Variants in REDIC1 observed in about 807,000 individuals in gnomAD.
REDIC1 encodes the protein regulator of DNA class I crossover intermediates 1.
chr12:39,642,851 G>T, the REDIC1 span, among the ~76,000 whole-genome samples: 1 of 151,760 alleles, frequency 6.6e-6, no homozygotes, highest in African/African-American at 2.4e-5. Context: ...TGGCAAGTCT[G>T]TTATAGTTCT....
At chr12:39,762,889 G>C in the REDIC1 span, among the ~76,000 whole-genome samples, 3 of 145,944 alleles carry the variant, frequency 2.1e-5, no homozygotes, top group Non-Finnish European at 4.5e-5. Context: ...TTCTGCTTAT[G>C]CCCTATTTAA....
At chr12:39,646,996 GT>G in the REDIC1 span, 3 of 692,350 alleles carry the variant, frequency 4.3e-6, no homozygotes, top group Non-Finnish European at 6.9e-6. Context: ...AAAATTTTGA[GT>G]CTTTAATTCT....
chr12:39,637,699 G>GTAGTCAGTGTGGAATGCTT, the REDIC1 span, among the ~76,000 whole-genome samples: 3 of 152,060 alleles, frequency 2.0e-5, no homozygotes, highest in African/African-American at 7.2e-5. Context: ...TAATACTGCA[G>GTAGTCAGTGTGGAATGCTT]TAGTCAGTGT....
the REDIC1 span, among the ~76,000 whole-genome samples, chr12:39,852,761 T>C: frequency 6.6e-6 from 1 of 152,228 alleles, no homozygotes; most frequent in Admixed American, 6.5e-5. Context: ...AAAGTACCTC[T>C]GATTGGTCCT....
the REDIC1 span, among the ~76,000 whole-genome samples, chr12:39,696,400 G>A: frequency 8.5e-4 from 128 of 150,402 alleles, no homozygotes; most frequent in East Asian, 7.6e-3. Flanking sequence ...AAAATTAGCC[G>A]GGCGTAGTGG....
At chr12:39,814,561 G>T in the REDIC1 span, among the ~76,000 whole-genome samples, 106,649 of 152,020 alleles carry the variant, frequency 0.7, 37,825 homozygotes, top group African/African-American at 0.8. Context: ...GAATGCTTTG[G>T]TAGAAAAAAA....
chr12:39,784,256 C>T, the REDIC1 span, among the ~76,000 whole-genome samples: 79 of 152,252 alleles, frequency 5.2e-4, no homozygotes, highest in South Asian at 4.2e-3. Flanking sequence ...AAAAAGAGCC[C>T]GCATTGCCAA....
At chr12:39,696,395 T>C in the REDIC1 span, among the ~76,000 whole-genome samples, 1,322 of 149,688 alleles carry the variant, frequency 8.8e-3, 11 homozygotes, top group Non-Finnish European at 0.015. Flanking sequence ...TACAAAAAAT[T>C]AGCCGGGCGT....
the REDIC1 span, among the ~76,000 whole-genome samples, chr12:39,885,439 C>T: frequency 6.6e-6 from 1 of 152,044 alleles, no homozygotes; most frequent in Non-Finnish European, 1.5e-5. Context: ...CCAAATATTG[C>T]ATATTTGGTA....
the REDIC1 span, among the ~76,000 whole-genome samples, chr12:39,748,944 C>T: frequency 1.3e-5 from 2 of 152,024 alleles, no homozygotes; most frequent in African/African-American, 4.8e-5. Flanking sequence ...ATTTATAGCA[C>T]TAAATACCCA....
the REDIC1 span, chr12:39,755,465 G>A: frequency 1.3e-5 from 2 of 152,030 alleles, no homozygotes; most frequent in African/African-American, 4.8e-5. Flanking sequence ...ACAAATAAAA[G>A]ATACTTTAAC....
the REDIC1 span, among the ~76,000 whole-genome samples, chr12:39,806,037 A>G: frequency 6.6e-6 from 1 of 152,238 alleles, no homozygotes; most frequent in Non-Finnish European, 1.5e-5. Flanking sequence ...TGCTACCAGA[A>G]AAAGCTTACA....
chr12:39,744,273 C>A, the REDIC1 span, among the ~76,000 whole-genome samples: 1 of 152,040 alleles, frequency 6.6e-6, no homozygotes, highest in East Asian at 1.9e-4. Context: ...CTTTTTCAGA[C>A]AAAAATTGAG....
the REDIC1 span, among the ~76,000 whole-genome samples, chr12:39,694,009 A>G: frequency 2.6e-5 from 4 of 152,224 alleles, no homozygotes; most frequent in Admixed American, 2.6e-4. Flanking sequence ...GGGGACGGAT[A>G]GATAGAAGTT....
At chr12:39,670,241 AGT>A in the REDIC1 span, among the ~76,000 whole-genome samples, 1 of 151,982 alleles carries the variant, frequency 6.6e-6, no homozygotes, top group African/African-American at 2.4e-5. Flanking sequence ...CCCAGGCTGG[AGT>A]GTAATGGTGG....
chr12:39,874,705 T>C, the REDIC1 span, among the ~76,000 whole-genome samples: 2 of 151,826 alleles, frequency 1.3e-5, no homozygotes, highest in African/African-American at 4.8e-5. Context: ...GACTTGAATG[T>C]AATGCTCTAT....
chr12:39,900,858 C>G, the REDIC1 span, among the ~76,000 whole-genome samples: 1 of 152,090 alleles, frequency 6.6e-6, no homozygotes, highest in Non-Finnish European at 1.5e-5. Flanking sequence ...CATATGCAAC[C>G]AAAAAAGATC....
chr12:39,900,005 C>T, the REDIC1 span, among the ~76,000 whole-genome samples: 2 of 151,302 alleles, frequency 1.3e-5, no homozygotes, highest in Non-Finnish European at 3.0e-5. Flanking sequence ...ATCAAGTGGG[C>T]TTCATCCCTG....
At chr12:39,748,907 C>A in the REDIC1 span, among the ~76,000 whole-genome samples, 1 of 152,112 alleles carries the variant, frequency 6.6e-6, no homozygotes, top group African/African-American at 2.4e-5. Flanking sequence ...ATCTCTGGGA[C>A]ACATTTAAAG....
Sources: gnomAD v4.1 joint callset for allele counts (sites outside exome capture counted in the v4.1 genomes callset) on GRCh38, gnomAD v4.1.1 for gene constraint, MANE v1.5 for transcripts, NCBI Gene and HGNC (gene_info 2026-07-23, HGNC 2026-07-21) for gene names.